Variants in CRYGN observed in about 807,000 individuals in gnomAD.
CRYGN encodes gamma-crystallin N.
CRYGN carries 17 observed loss-of-function variants against 19.2 expected under a neutral mutation model. The observed-to-expected ratio is 0.89, with a 90% CI of 0.61 to 1.33. CRYGN has a LOEUF of 1.33. Ranked by LOEUF, CRYGN falls within the 40% of genes most tolerant of loss-of-function variation. The pLI is 0.00. For synonymous variants in CRYGN, 84 were observed against 85.8 expected, an observed-to-expected ratio of 0.98 and a Z score of 0.12; for missense variants, 239 against 239.6, an observed-to-expected ratio of 1.00 and a Z score of 0.02.
chr7:151,437,447 C>T (rs1435469685), intron 2 of CRYGN, among the ~76,000 whole-genome samples: 3 of 152,182 alleles, frequency 2.0e-5, no homozygotes, highest in Non-Finnish European at 2.9e-5. Flanking sequence ...CTTTCGCCAC[C>T]GGGGAGCCAT....
rs910060010 is a variant in CRYGN at position 151,440,088 on chromosome 7, G to A, written c.-171C>T. ...TTGGGACCCGCCGCGGCCACCCTGT[G>A]CCACCGCGAGTGCAGCCCGCCCTGC... On this transcript the variant is annotated 5_prime_UTR_variant, in exon 1 of 4. Transcript: ENST00000337323. 6 of 1,360,422 alleles carry A rather than the reference G, an allele frequency of 4.4e-6. No individual in the cohort carries two copies. In the African/African-American group the frequency reaches 9.2e-5, roughly 21 times the overall value. 84.3% of individuals were successfully genotyped at this position (1,360,422 alleles called of 1,614,324 possible). A position where few individuals can be genotyped will look rare whatever the true frequency, so the allele number is the denominator to read the frequency against.
At chr7:151,440,540 G>A, upstream of CRYGN, 1 of 152,682 alleles carries the variant, frequency 6.5e-6, no homozygotes, top group South Asian at 2.1e-4. Context: ...CCCACAAAAC[G>A]CCAGGCCAGG....
rs775428507 is a variant in CRYGN at position 151,430,056 on chromosome 7, T to G, written c.541A>C (p.Asn181His). 3.6e-6 allele frequency: 4 copies of G among 1,103,824 alleles called. No homozygotes were observed. Among genetic ancestry groups the G allele is most frequent in the Non-Finnish European group, 5.6e-6 (4 of 713,518 alleles). The allele number at this position is 1,103,824 out of a possible 1,614,324, so 68.4% of individuals were successfully genotyped here. Residue 181 changes from asparagine (N) to histidine (H), a missense_variant, in exon 4 of 4, where the codon AAC (asparagine) becomes CAC (histidine). By Grantham distance (68) the Asn-to-His change is moderately conservative. Transcript: ENST00000337323. This position sits in a 1 kb window ranked among gnomAD's most constrained non-coding sequence, Gnocchi z 5.2. Reference sequence around the variant, plus strand: ...GTCAATCGGTTCCAGGCTCAGAGGTTTGCAGTCAGGAAAGGTGGCTGGGTT... The same window carrying G: ...GTCAATCGGTTCCAGGCTCAGAGGTGTGCAGTCAGGAAAGGTGGCTGGGTT... ...ATTQPPFLTANL is the reference protein window; with the variant it reads ...ATTQPPFLTAHL
At chr7:151,432,122 G>T (rs1357720943) in intron 3 of CRYGN, 4 of 1,138,296 alleles carry the variant, frequency 3.5e-6, no homozygotes, top group Non-Finnish European at 4.4e-6. Context: ...CCAGAGCTGC[G>T]CCCGGCCATC....
Position 151,440,109 on chromosome 7 carries a change from C to T in CRYGN, c.-192G>A. The T allele has an allele frequency of 7.3e-7, 1 of 1,361,882 alleles. No individual in the cohort carries two copies. The highest frequency in any genetic ancestry group is 9.4e-7 in the Non-Finnish European group (1 of 1,062,356). 84.4% of individuals were successfully genotyped at this position (1,361,882 alleles called of 1,614,324 possible). A position where few individuals can be genotyped will look rare whatever the true frequency, so the allele number is the denominator to read the frequency against. On this transcript the variant is annotated 5_prime_UTR_variant, in exon 1 of 4. Coordinates refer to ENST00000337323, the MANE Select transcript of CRYGN (RefSeq NM_144727.3). ...CTGTGCCACCGCGAGTGCAGCCCGC[C>T]CTGCCCGGGGTCTCCCTGTGCTCTC...
rs267601423 is a variant in CRYGN, at chr7:151,438,095, G to A, written c.171C>T (p.Phe57=). The stretch of plus-strand genomic sequence containing the variant: ...GCTCCAAGATGAACTGCTGGCCCCG[G>A]AAGTCGGGGTGATTGAAGCAGACCC... ...GAWVCFNHPD[F]RGQQFILEHG... The change falls in exon 2 of 4, where the codon TTC becomes TTT. Residue 57 remains phenylalanine (F), a synonymous_variant. Coordinates refer to ENST00000337323, the MANE Select transcript of CRYGN (RefSeq NM_144727.3). 1 of 1,614,182 alleles carries A rather than the reference G, an allele frequency of 6.2e-7. No homozygotes were observed. The highest frequency in any genetic ancestry group is 2.2e-5 in the East Asian group (1 of 44,874).
Position 151,433,047 on chromosome 7 carries a change from C to A in CRYGN, c.417-2867G>T, listed in dbSNP as rs1256375847. On this transcript the variant is annotated intron_variant, in intron 3 of 3. Coordinates refer to ENST00000337323, the MANE Select transcript of CRYGN (RefSeq NM_144727.3). This position sits in a 1 kb window ranked among gnomAD's most constrained non-coding sequence, Gnocchi z 5.1. ...GCAGAGGAAATGGGCTGTGGGGGTG[C>A]AGTTGCATGGAGGAGCCTGCAGGGC... 2.0e-5 allele frequency among the ~76,000 whole-genome samples: 3 copies of A among 152,232 alleles called. No homozygotes were observed. The highest frequency in any genetic ancestry group is 2.9e-5 in the Non-Finnish European group (2 of 68,036).
chr7:151,432,119 T>C (rs1801483414), intron 3 of CRYGN: 3 of 1,128,232 alleles, frequency 2.7e-6, no homozygotes, highest in Non-Finnish European at 3.4e-6. Context: ...TCCCCAGAGC[T>C]GCGCCCGGCC....
intron 3 of CRYGN, chr7:151,432,134 C>G (rs987697324): frequency 4.2e-6 from 5 of 1,194,942 alleles, no homozygotes; most frequent in Middle Eastern, 3.2e-4. Context: ...CCGGCCATCC[C>G]GGTGGGAGGG....
intron 2 of CRYGN, chr7:151,437,762 T>G (rs1801652902): frequency 7.7e-7 from 1 of 1,299,260 alleles, no homozygotes; most frequent in Admixed American, 2.9e-5. Context: ...AAACTTAAAG[T>G]GGTTTATTGA....
In CRYGN at chr7:151,438,046, G is replaced by C; in HGVS notation, c.220C>G (p.Arg74Gly). ...LEHGDYPDFF[R>G]WNSHSDHMGS... ...ATGTGGTCACTGTGGCTGTTCCAGC[G>C]GAAGAAGTCGGGGTAGTCGCCGTGC... The change falls in exon 2 of 4, where the codon CGC becomes GGC. Residue 74 changes from arginine to glycine, a missense_variant. Coordinates refer to ENST00000337323, the MANE Select transcript of CRYGN (RefSeq NM_144727.3). 1.2e-6 allele frequency: 2 copies of C among 1,614,006 alleles called. No homozygotes were observed. Among genetic ancestry groups the C allele is most frequent in the South Asian group, 2.2e-5 (2 of 91,078 alleles).
chr7:151,436,225 C>T lies in CRYGN; in HGVS notation c.371G>A (p.Trp124Ter), dbSNP rs1171498844. 5.6e-6 allele frequency: 9 copies of T among 1,594,752 alleles called. No individual in the cohort carries two copies. Among genetic ancestry groups the T allele is most frequent in the Non-Finnish European group, 7.7e-6 (9 of 1,169,968 alleles). Residue 124 changes from tryptophan to a stop codon, truncating the protein, a stop_gained, in exon 3 of 4, where the codon TGG (tryptophan) becomes TAG (stop). Coordinates refer to ENST00000337323, the MANE Select transcript of CRYGN (RefSeq NM_144727.3). LOFTEE classifies it high-confidence loss of function. The surrounding 1 kb of genome is among the most constrained non-coding windows in gnomAD (Gnocchi z 5.1). ...EDSPFLQSRGWVKNCVNTIKV... is the reference protein window; with the variant it reads ...EDSPFLQSRG ...GATGGTGTTCACACAGTTCTTGACC[C>T]AGCCCCTGCTCTGGAGGAAGGGGCT...
rs866759792 is a variant in CRYGN, at chr7:151,436,082, C to T, written c.416+98G>A. 37 of 1,017,974 alleles carry T rather than the reference C, an allele frequency of 3.6e-5. No homozygotes were observed. The highest frequency in any genetic ancestry group is 3.1e-4 in the East Asian group (10 of 32,350). 63.1% of individuals were successfully genotyped at this position (1,017,974 alleles called of 1,614,324 possible). On this transcript the variant is annotated intron_variant, in intron 3 of 3. Transcript: ENST00000337323. This position sits in a 1 kb window ranked among gnomAD's most constrained non-coding sequence, Gnocchi z 5.1. Reference sequence around the variant, plus strand: ...TGCCCACTGCTGGAGGTCTCATTCCCACCCCACCCACCACCCCTGTGTGGC... The same window carrying T: ...TGCCCACTGCTGGAGGTCTCATTCCTACCCCACCCACCACCCCTGTGTGGC...
chr7:151,434,718 G>A (rs752355875), intron 3 of CRYGN, among the ~76,000 whole-genome samples: 9 of 152,158 alleles, frequency 5.9e-5, no homozygotes, highest in African/African-American at 1.7e-4. Context: ...ACTTAACACC[G>A]TCAGTAAGTT....
intron 3 of CRYGN, among the ~76,000 whole-genome samples, chr7:151,434,952 C>T (rs888005836): frequency 3.9e-5 from 6 of 152,316 alleles, no homozygotes; most frequent in East Asian, 1.9e-4. Context: ...CCAACATAAA[C>T]GCTATGTAAA....
rs369743604 is a variant in CRYGN at position 151,431,200 on chromosome 7, C to A, written c.417-1020G>T. ...AGTTACCTGGGCCACCCCCAGGGAC[C>A]AGAGTTCCCCTCGTGGGACCTTTCC... On this transcript the variant is annotated intron_variant, in intron 3 of 3. Transcript: ENST00000337323. This position sits in a 1 kb window ranked among gnomAD's most constrained non-coding sequence, Gnocchi z 4.8. Among the ~76,000 whole-genome samples, 5 of 152,178 alleles carry A rather than the reference C, an allele frequency of 3.3e-5. No homozygotes were observed. The highest frequency in any genetic ancestry group is 1.9e-4 in the East Asian group (1 of 5,188).
intron 3 of CRYGN, chr7:151,432,424 C>G (rs990725340): frequency 1.9e-5 from 8 of 422,856 alleles, no homozygotes; most frequent in African/African-American, 1.6e-4. Context: ...CGAAGGCACC[C>G]ACGGTGCCTT....
At position 151,430,263 on chromosome 7, in the gene CRYGN, C is replaced by T; in HGVS notation, c.417-83G>A. On this transcript the variant is annotated intron_variant, in intron 3 of 3. Coordinates refer to ENST00000337323, the MANE Select transcript of CRYGN (RefSeq NM_144727.3). The surrounding 1 kb of genome is among the most constrained non-coding windows in gnomAD (Gnocchi z 5.2). The stretch of plus-strand genomic sequence containing the variant: ...TTTTGGGGACCCATCTACCACATGG[C>T]AGCAGGGAGCCCCTTCCCCTTTCCT... 2.2e-6 allele frequency: 3 copies of T among 1,357,558 alleles called. No homozygotes were observed. Among genetic ancestry groups the T allele is most frequent in the Non-Finnish European group, 3.1e-6 (3 of 970,316 alleles). 84.1% of individuals were successfully genotyped at this position (1,357,558 alleles called of 1,614,324 possible).
rs1348724071 is a variant in CRYGN, at chr7:151,435,206, A to G, written c.416+974T>C. Among the ~76,000 whole-genome samples the G allele has an allele frequency of 6.6e-6, 1 of 152,216 alleles. No individual in the cohort carries two copies. The highest frequency in any genetic ancestry group is 1.5e-5 in the Non-Finnish European group (1 of 68,034). ...TTCCTCAATTGCTTCGATAGGCGCC[A>G]GAACCATGCACAGCCAGCTGGAACC... On this transcript the variant is annotated intron_variant, in intron 3 of 3. Transcript: ENST00000337323. This position sits in a 1 kb window ranked among gnomAD's most constrained non-coding sequence, Gnocchi z 4.2.
Sources: allele counts gnomAD v4.1 joint callset (sites outside exome capture counted in the v4.1 genomes callset), GRCh38; gene constraint gnomAD v4.1.1; non-coding constraint Gnocchi (gnomAD v3.1); transcripts MANE v1.5; gene names NCBI Gene and HGNC (gene_info 2026-07-23, HGNC 2026-07-21).